The following PCDHA5 variants were observed in gnomAD, a reference collection of about 807,000 sequenced individuals.
The protein encoded by PCDHA5 is protocadherin alpha-5.
In PCDHA5, 43 loss-of-function variants were observed where a neutral mutation model predicts 61.6. The ratio of observed to expected loss-of-function variants is 0.70; its 90% CI spans 0.55 to 0.90. The LOEUF (loss-of-function observed/expected upper bound fraction) is 0.90, where lower values mean the gene tolerates loss of function less well. PCDHA5 is among the 40% of genes least tolerant of loss of function. The probability of loss-of-function intolerance (pLI) is 0.00; values close to 1 mark genes in which losing one functional copy is unlikely to be tolerated. For synonymous variants in PCDHA5, 627 were observed against 543.9 expected, an observed-to-expected ratio of 1.15 and a Z score of -2.13; for missense variants, 1,298 against 1,222.7, an observed-to-expected ratio of 1.06 and a Z score of -0.92.
rs113613111 is a variant in PCDHA5, at chr5:140,862,633, G to A, written c.2352+38506G>A. The A allele has an allele frequency of 2.9e-3, 1,533 of 537,306 alleles. 20 individuals are homozygous for A. The highest frequency in any genetic ancestry group is 0.024 in the African/African-American group (1,268 of 52,230). 33.3% of individuals were successfully genotyped at this position (537,306 alleles called of 1,614,324 possible). Reference sequence around the variant, plus strand: ...AGGTAACAACCCGCGGGGCTGCCACGACTTCACAGTGTCCGCGCGGGACCG... The same window carrying A: ...AGGTAACAACCCGCGGGGCTGCCACAACTTCACAGTGTCCGCGCGGGACCG... On this transcript the variant is annotated intron_variant, in intron 1 of 3. Transcript: ENST00000529859.
At chr5:140,920,329 G>A (rs556077448) in intron 1 of PCDHA5, among the ~76,000 whole-genome samples, 8 of 152,080 alleles carry the variant, frequency 5.3e-5, no homozygotes, top group South Asian at 4.2e-4. Flanking sequence ...TATATTTATG[G>A]CATTTCTTAT....
intron 1 of PCDHA5, chr5:140,882,737 G>A (rs1375859660): frequency 6.2e-7 from 1 of 1,614,090 alleles, no homozygotes; most frequent in Admixed American, 1.7e-5. Flanking sequence ...ACTAGATGGC[G>A]CATCCGATGC....
intron 1 of PCDHA5, among the ~76,000 whole-genome samples, chr5:140,896,536 C>CTTTT (rs34213614): frequency 1.4e-5 from 2 of 145,620 alleles, no homozygotes; most frequent in Admixed American, 6.8e-5. Context: ...AGCTATTTTT[C>CTTTT]TTTTTTTTTT....
chr5:140,824,500 A>C, intron 1 of PCDHA5: 1 of 320,040 alleles, frequency 3.1e-6, no homozygotes, highest in Non-Finnish European at 5.7e-6. Flanking sequence ...TTTGTTGCTT[A>C]GTCTGCAGTG....
intron 1 of PCDHA5, among the ~76,000 whole-genome samples, chr5:140,963,621 T>C (rs1428734637): frequency 2.6e-5 from 4 of 152,334 alleles, no homozygotes; most frequent in African/African-American, 9.6e-5. Flanking sequence ...AGCTTAACTT[T>C]GTTGCATACG....
At chr5:140,872,392 T>C (rs2053635930) in intron 1 of PCDHA5, among the ~76,000 whole-genome samples, 1 of 152,152 alleles carries the variant, frequency 6.6e-6, no homozygotes, top group African/African-American at 2.4e-5. Flanking sequence ...TTTGGGAGGC[T>C]GAGGCAGGAG....
intron 1 of PCDHA5, chr5:140,843,852 T>C: frequency 2.1e-6 from 2 of 964,906 alleles, no homozygotes; most frequent in Non-Finnish European, 3.1e-6. Flanking sequence ...AAACCTTTTA[T>C]AATTAATTGA....
intron 1 of PCDHA5, among the ~76,000 whole-genome samples, chr5:140,973,733 C>G (rs1273705154): frequency 6.6e-6 from 1 of 152,216 alleles, no homozygotes; most frequent in Non-Finnish European, 1.5e-5. Context: ...GGCATCTGGT[C>G]TAACTCAGAA....
intron 1 of PCDHA5, chr5:140,929,369 G>A: frequency 6.6e-7 from 1 of 1,515,248 alleles, no homozygotes; most frequent in Admixed American, 2.2e-5. Context: ...CCCGGAGATG[G>A]CTGCTAGCTG....
chr5:140,870,750 G>T, intron 1 of PCDHA5: 1 of 1,613,506 alleles, frequency 6.2e-7, no homozygotes, highest in Non-Finnish European at 8.5e-7. Flanking sequence ...GCAACGTGAC[G>T]CTGCAGGTGT....
rs189226531 is a variant in PCDHA5, at chr5:140,874,455, T to C, written c.2352+50328T>C. 5.3e-5 allele frequency among the ~76,000 whole-genome samples: 8 copies of C among 152,332 alleles called. No homozygotes were observed. The East Asian group carries it at 1.5e-3, about 29-fold the overall frequency. On this transcript the variant is annotated intron_variant, in intron 1 of 3. Coordinates refer to ENST00000529859, the MANE Select transcript of PCDHA5 (RefSeq NM_018908.3). ...CATGTCCTAACTACTAAATGACCTG[T>C]AGGGGAAGATTTAGAGAAAAAGCAA...
At chr5:140,930,712 A>T (rs1584689351) in intron 1 of PCDHA5, among the ~76,000 whole-genome samples, 1 of 152,234 alleles carries the variant, frequency 6.6e-6, no homozygotes, top group Non-Finnish European at 1.5e-5. Flanking sequence ...ATTCTTCCTC[A>T]AGTAATGATG....
At chr5:140,933,527 A>G (rs1324786303) in intron 1 of PCDHA5, among the ~76,000 whole-genome samples, 1 of 152,060 alleles carries the variant, frequency 6.6e-6, no homozygotes, top group African/African-American at 2.4e-5. Flanking sequence ...TTTTGTTTAA[A>G]CTCAAAATAA....
chr5:140,883,862 C>T (rs1467289225), intron 1 of PCDHA5: 3 of 1,613,000 alleles, frequency 1.9e-6, no homozygotes, highest in Non-Finnish European at 1.7e-6. Flanking sequence ...GGAGCTGTTG[C>T]AGTTCCAGGT....
chr5:140,893,338 T>C (rs1409461265), intron 1 of PCDHA5, among the ~76,000 whole-genome samples: 1 of 152,174 alleles, frequency 6.6e-6, no homozygotes, highest in African/African-American at 2.4e-5. Context: ...TTTTCCTTAG[T>C]GGCAGTGCTA....
At chr5:140,848,593 A>G in intron 1 of PCDHA5, 1 of 1,593,964 alleles carries the variant, frequency 6.3e-7, no homozygotes, top group Non-Finnish European at 8.6e-7. Flanking sequence ...CAGCTCCACT[A>G]CTCCGTCCCG....
rs2150154867 is a variant in PCDHA5, at chr5:140,828,391, G to T, written c.2352+4264G>T. 5 of 1,614,294 alleles carry T rather than the reference G, an allele frequency of 3.1e-6. No individual in the cohort carries two copies. In the South Asian group the frequency reaches 5.5e-5, roughly 18 times the overall value. ...GCGAGGAGCTGTGCGGGCGGAGCGC[G>T]GAGTGCAGCATCCACCTGGAGGTGA... On this transcript the variant is annotated intron_variant, in intron 1 of 3. Coordinates refer to ENST00000529859, the MANE Select transcript of PCDHA5 (RefSeq NM_018908.3).
chr5:140,858,255 C>A, intron 1 of PCDHA5: 1 of 1,596,962 alleles, frequency 6.3e-7, no homozygotes, highest in Non-Finnish European at 8.6e-7. Context: ...GTGAAGCCCA[C>A]GCTGGTGTGC....
At chr5:140,834,720 C>G in intron 1 of PCDHA5, 1 of 1,614,234 alleles carries the variant, frequency 6.2e-7, no homozygotes, top group Non-Finnish European at 8.5e-7. Context: ...CGTGGAAAGG[C>G]CGCTGCAGGT....
Sources: gnomAD v4.1 joint callset for allele counts (sites outside exome capture counted in the v4.1 genomes callset) on GRCh38, gnomAD v4.1.1 for gene constraint, MANE v1.5 for transcripts, NCBI Gene and HGNC (gene_info 2026-07-23, HGNC 2026-07-21) for gene names.